The following SWT1 variants were observed in gnomAD, a reference collection of about 807,000 sequenced individuals.
SWT1 encodes the protein transcriptional protein SWT1.
A neutral mutation model predicts 107.3 loss-of-function variants in SWT1; 33 were observed. The observed-to-expected ratio is 0.31, with a 90% confidence interval of 0.23 to 0.41. The LOEUF is 0.41. Ranked by LOEUF, SWT1 falls within the 10% of genes least tolerant of loss-of-function variation. SWT1 has a pLI of 1.00. For missense variants in SWT1, 898 were observed against 1,028.9 expected, an observed-to-expected ratio of 0.87 and a Z score of 1.74; for synonymous variants, 345 against 348.3, an observed-to-expected ratio of 0.99 and a Z score of 0.11.
intron 16 of SWT1, among the ~76,000 whole-genome samples, chr1:185,257,527 G>T (rs540564958): frequency 2.0e-5 from 3 of 152,352 alleles, no homozygotes; most frequent in East Asian, 3.9e-4. Flanking sequence ...GTATTCGGGT[G>T]GGAGTGACCC....
At chr1:185,263,524 A>G (rs371776203) in intron 16 of SWT1, 3 of 152,228 alleles carry the variant, frequency 2.0e-5, no homozygotes, top group African/African-American at 7.2e-5. Flanking sequence ...CACCTTATCT[A>G]CACGGACTCA....
At chr1:185,221,762 GA>G in intron 14 of SWT1, 86 bp from the exon 15 acceptor site, 3 of 893,782 alleles carry the variant, frequency 3.4e-6, no homozygotes, top group Non-Finnish European at 4.9e-6. Context: ...CAGAAAGCTA[GA>G]ACATTTGTAA....
At chr1:185,173,553 A>G (rs1365117243) in intron 4 of SWT1, among the ~76,000 whole-genome samples, 11 of 137,438 alleles carry the variant, frequency 8.0e-5, no homozygotes, top group Admixed American at 8.0e-4. Context: ...AAAAAAAAAT[A>G]CAAAAATTAG....
In SWT1 at chr1:185,231,675, C is replaced by G; in HGVS notation, c.2408C>G (p.Ala803Gly). ...EAFICLQKLM[A>G]AVRDILEGIQ... ...TTTATATGTCTTCAAAAGTTAATGG[C>G]AGCTGTGAGGGATATTCTTGAAGGA... Residue 803 changes from alanine to glycine, a missense_variant, in exon 16 of 19, where the codon GCA becomes GGA. Ala to Gly is a moderately conservative substitution (Grantham distance 60). Coordinates refer to ENST00000367500, the MANE Select transcript of SWT1 (RefSeq NM_017673.7). The G allele has an allele frequency of 6.2e-7, 1 of 1,606,938 alleles. No individual in the cohort carries two copies. Among genetic ancestry groups the G allele is most frequent in the South Asian group, 1.1e-5 (1 of 90,836 alleles).
intron 13 of SWT1, among the ~76,000 whole-genome samples, chr1:185,211,203 G>C (rs776800836): frequency 6.6e-6 from 1 of 151,896 alleles, no homozygotes; most frequent in Non-Finnish European, 1.5e-5. Context: ...TTTAAATTTC[G>C]TATGGAACCA....
chr1:185,237,311 T>C lies in SWT1; in HGVS notation c.2441+5603T>C, dbSNP rs536816143. ...GACTTGAAACCAACCCAAATGCCTA[T>C]CAATGATAGACTGGATAAAGAAAGT... On this transcript the variant is annotated intron_variant, in intron 16 of 18. Transcript: ENST00000367500. Among the ~76,000 whole-genome samples, 6 of 152,268 alleles carry C rather than the reference T, an allele frequency of 3.9e-5. No homozygotes were observed. The East Asian group carries it at 7.7e-4, about 20-fold the overall frequency.
chr1:185,159,084 G>T (rs867790813), intron 1 of SWT1, among the ~76,000 whole-genome samples: 2 of 152,178 alleles, frequency 1.3e-5, no homozygotes, highest in Non-Finnish European at 2.9e-5. Context: ...ACTTTCCCTA[G>T]AGTGAGCAGT....
chr1:185,227,878 C>A (rs537145061), intron 15 of SWT1, among the ~76,000 whole-genome samples: 2 of 151,728 alleles, frequency 1.3e-5, no homozygotes, highest in East Asian at 3.9e-4. Flanking sequence ...TTGCTTCAGT[C>A]GAAGAGTTTG....
At chr1:185,225,300 G>A (rs527801971) in intron 15 of SWT1, among the ~76,000 whole-genome samples, 68 of 152,176 alleles carry the variant, frequency 4.5e-4, no homozygotes, top group African/African-American at 1.6e-3. Context: ...TAAATGTGTG[G>A]TTGGATTCAG....
intron 16 of SWT1, among the ~76,000 whole-genome samples, chr1:185,253,397 G>GATTCTT (rs1662209459): frequency 6.6e-6 from 1 of 151,886 alleles, no homozygotes; most frequent in Non-Finnish European, 1.5e-5. Context: ...TCACAATATT[G>GATTCTT]ATTCTTCCTA....
chr1:185,206,279 G>GT (rs753914015), intron 12 of SWT1, among the ~76,000 whole-genome samples: 6 of 152,040 alleles, frequency 3.9e-5, no homozygotes, highest in Non-Finnish European at 8.8e-5. Flanking sequence ...TTTTCACCCA[G>GT]TTACATGAAA....
At chr1:185,164,378 A>G (rs183755088) in intron 2 of SWT1, among the ~76,000 whole-genome samples, 2 of 152,338 alleles carry the variant, frequency 1.3e-5, no homozygotes, top group Admixed American at 6.5e-5. Flanking sequence ...CACCAACTGC[A>G]TTAGCCCCTA....
intron 3 of SWT1, 21 bp downstream of exon 3, chr1:185,166,673 A>C (rs758942315): frequency 2.1e-6 from 3 of 1,427,306 alleles, no homozygotes; most frequent in Non-Finnish European, 2.9e-6. Flanking sequence ...AGATATAACT[A>C]ACTAAAAGTT....
At chr1:185,265,298 T>G (rs1331839089) in intron 16 of SWT1, among the ~76,000 whole-genome samples, 1 of 152,200 alleles carries the variant, frequency 6.6e-6, no homozygotes, top group Non-Finnish European at 1.5e-5. Flanking sequence ...ATGGCATTTT[T>G]TTCAAAATCT....
At chr1:185,259,836 C>A (rs926013815) in intron 16 of SWT1, among the ~76,000 whole-genome samples, 2 of 152,076 alleles carry the variant, frequency 1.3e-5, no homozygotes, top group Non-Finnish European at 2.9e-5. Flanking sequence ...TACTGAAACA[C>A]AATTGGACAG....
At chr1:185,223,896 G>A (rs368114092) in intron 15 of SWT1, among the ~76,000 whole-genome samples, 15 of 152,186 alleles carry the variant, frequency 9.9e-5, no homozygotes, top group Non-Finnish European at 1.2e-4. Flanking sequence ...GAGCACAAGC[G>A]GTATTTGGTT....
chr1:185,222,114 T>C, intron 15 of SWT1, 78 bp downstream of exon 15: 1 of 1,003,318 alleles, frequency 1.0e-6, no homozygotes, highest in Non-Finnish European at 1.4e-6. Flanking sequence ...AGGGTACAAT[T>C]TGATGTGCAA....
chr1:185,163,685 C>T (rs1654348365), intron 2 of SWT1, among the ~76,000 whole-genome samples: 1 of 152,184 alleles, frequency 6.6e-6, no homozygotes. Context: ...TGAGCCACCG[C>T]ACCCAGCCCC....
At chr1:185,211,945 C>G (rs1470975740) in intron 13 of SWT1, among the ~76,000 whole-genome samples, 1 of 152,080 alleles carries the variant, frequency 6.6e-6, no homozygotes. Context: ...TCTCAGCAAA[C>G]TATCGCAAGG....
Sources: gnomAD v4.1 joint callset for allele counts (sites outside exome capture counted in the v4.1 genomes callset) on GRCh38, gnomAD v4.1.1 for gene constraint, MANE v1.5 for transcripts, NCBI Gene and HGNC (gene_info 2026-07-23, HGNC 2026-07-21) for gene names.